Variants in TTC7A observed in about 807,000 individuals in gnomAD.
TTC7A encodes tetratricopeptide repeat domain 7A.
Under a neutral mutation model 103.7 loss-of-function variants are expected in TTC7A, and 110 were observed. The observed-to-expected ratio is 1.06, with a 90% CI of 0.91 to 1.24. The LOEUF (loss-of-function observed/expected upper bound fraction) is 1.24, where lower values mean the gene tolerates loss of function less well. TTC7A is among the 50% of genes most tolerant of loss of function. The pLI, the probability that TTC7A is intolerant of heterozygous loss-of-function variation, is 0.00. For missense variants in TTC7A, 1,340 were observed against 1,116.3 expected, an observed-to-expected ratio of 1.20 and a Z score of -2.86; for synonymous variants, 521 against 467.9, an observed-to-expected ratio of 1.11 and a Z score of -1.47.
At chr2:47,028,279 T>C (rs756317170) in intron 14 of TTC7A, among the ~76,000 whole-genome samples, 9 of 152,216 alleles carry the variant, frequency 5.9e-5, no homozygotes, top group Admixed American at 3.9e-4. Context: ...CCATAGGATG[T>C]GCTGGGGCAC....
intron 2 of TTC7A, among the ~76,000 whole-genome samples, chr2:46,925,982 C>T (rs767907342): frequency 2.0e-5 from 3 of 152,188 alleles, no homozygotes; most frequent in Non-Finnish European, 4.4e-5. Context: ...TGGGATCAGA[C>T]TTAACCTGGA....
intron 18 of TTC7A, among the ~76,000 whole-genome samples, chr2:47,060,379 AAATT>A (rs1372830989): frequency 6.6e-6 from 1 of 152,098 alleles, no homozygotes; most frequent in African/African-American, 2.4e-5. Context: ...CTAAATAAAT[AAATT>A]AATTTTTTTT....
intron 5 of TTC7A, among the ~76,000 whole-genome samples, chr2:46,988,203 C>T (rs1017523742): frequency 2.6e-5 from 4 of 152,160 alleles, no homozygotes; most frequent in African/African-American, 7.2e-5. Context: ...CCCCCATCCC[C>T]GGCCTCACTA....
intron 15 of TTC7A, among the ~76,000 whole-genome samples, chr2:47,030,716 C>T (rs1466443549): frequency 6.6e-6 from 1 of 152,172 alleles, no homozygotes; most frequent in African/African-American, 2.4e-5. Context: ...CCCGCCTGTT[C>T]CCCCTCCATC....
Position 47,073,908 on chromosome 2 carries a change from C to G in TTC7A, c.2562C>G (p.Ile854Met), listed in dbSNP as rs1201272520. 6.2e-7 allele frequency: 1 copy of G among 1,612,120 alleles called. No individual in the cohort carries two copies. Among genetic ancestry groups the G allele is most frequent in the Non-Finnish European group, 8.5e-7 (1 of 1,179,506 alleles). The change falls in exon 20 of 20, where the codon ATC becomes ATG. Residue 854 changes from isoleucine (I) to methionine (M), a missense_variant. By Grantham distance (10) the Ile-to-Met change is conservative (BLOSUM62 1). Coordinates refer to ENST00000319190, the MANE Select transcript of TTC7A (RefSeq NM_020458.4). The stretch of plus-strand genomic sequence containing the variant: ...GCCCTGTACTGCCCTTCTCCATCAT[C>G]CCCAGAGAGCTCTGACGACGCTGCA... The part of the protein sequence containing the change: ...ASSPVLPFSI[I>M]PREL
chr2:47,023,930 G>A (rs1040225109), intron 13 of TTC7A, among the ~76,000 whole-genome samples: 1 of 151,282 alleles, frequency 6.6e-6, no homozygotes, highest in Non-Finnish European at 1.5e-5. Flanking sequence ...GAGCAGTGAG[G>A]CTAGCTTCTC....
intron 3 of TTC7A, among the ~76,000 whole-genome samples, chr2:46,970,813 C>G (rs1467534532): frequency 3.3e-5 from 5 of 152,234 alleles, no homozygotes; most frequent in African/African-American, 9.6e-5. Flanking sequence ...GATCCTCCCC[C>G]TCCTGGTTGT....
chr2:46,985,949 G>A (rs1438319084), intron 5 of TTC7A, among the ~76,000 whole-genome samples: 2 of 152,192 alleles, frequency 1.3e-5, no homozygotes, highest in Admixed American at 1.3e-4. Flanking sequence ...TACATTGTAG[G>A]TTTTAGCAAC....
At chr2:46,964,517 C>T (rs1265277401) in intron 3 of TTC7A, among the ~76,000 whole-genome samples, 1 of 152,148 alleles carries the variant, frequency 6.6e-6, no homozygotes, top group Non-Finnish European at 1.5e-5. Context: ...GCCTGTTCCC[C>T]CTCAAATCAG....
intron 3 of TTC7A, among the ~76,000 whole-genome samples, chr2:46,972,761 A>G (rs1673485125): frequency 6.6e-6 from 1 of 152,242 alleles, no homozygotes; most frequent in African/African-American, 2.4e-5. Flanking sequence ...GGAAGTGTGC[A>G]TGTAAAATGC....
At chr2:46,985,738 A>T (rs535269800) in intron 5 of TTC7A, among the ~76,000 whole-genome samples, 3 of 152,372 alleles carry the variant, frequency 2.0e-5, no homozygotes, top group Non-Finnish European at 2.9e-5. Flanking sequence ...GCATGTCTAC[A>T]TCAGTGAGCC....
intron 19 of TTC7A, among the ~76,000 whole-genome samples, chr2:47,063,358 C>T (rs1324066300): frequency 6.6e-6 from 1 of 152,198 alleles, no homozygotes; most frequent in Non-Finnish European, 1.5e-5. Flanking sequence ...AGTATCTCAC[C>T]CCCCTTCAGT....
At position 46,941,842 on chromosome 2, in the gene TTC7A, C is replaced by T. The variant is rs543332567; in HGVS notation, c.184+117C>T. 3 of 1,359,422 alleles carry T rather than the reference C, an allele frequency of 2.2e-6. No homozygotes were observed. The highest frequency in any genetic ancestry group is 3.0e-6 in the Non-Finnish European group (3 of 989,936). 84.2% of individuals were successfully genotyped at this position (1,359,422 alleles called of 1,614,324 possible). A position where few individuals can be genotyped will look rare whatever the true frequency, so the allele number is the denominator to read the frequency against. Reference sequence around the variant, plus strand: ...AGCGGGCGCCTGCCAGCCCACCGTGCTAGTCTTAAGAGCAGCCAGGGCAGT... The same window carrying T: ...AGCGGGCGCCTGCCAGCCCACCGTGTTAGTCTTAAGAGCAGCCAGGGCAGT... On this transcript the variant is annotated intron_variant, in intron 1 of 19. Transcript: ENST00000319190. This position sits in a 1 kb window ranked among gnomAD's most constrained non-coding sequence, Gnocchi z 4.2.
intron 15 of TTC7A, among the ~76,000 whole-genome samples, chr2:47,039,779 C>T (rs1681537456): frequency 1.3e-5 from 2 of 152,360 alleles, no homozygotes; most frequent in South Asian, 2.1e-4. Context: ...TGCCAACATT[C>T]TCCTGGGAGC....
intron 15 of TTC7A, among the ~76,000 whole-genome samples, chr2:47,030,406 G>A: frequency 6.6e-6 from 1 of 152,206 alleles, no homozygotes. Context: ...GACCACAGGG[G>A]TGGGTTCAGG....
In TTC7A at chr2:47,074,212, G is replaced by A. The variant is rs2103680677; in HGVS notation, c.*289G>A. The A allele has an allele frequency of 2.1e-6, 1 of 470,626 alleles. No homozygotes were observed. Among genetic ancestry groups the A allele is most frequent in the Non-Finnish European group, 3.9e-6 (1 of 258,312 alleles). The allele number at this position is 470,626 out of a possible 1,614,324, so 29.2% of individuals were successfully genotyped here. A position where few individuals can be genotyped will look rare whatever the true frequency, so the allele number is the denominator to read the frequency against. On this transcript the variant is annotated 3_prime_UTR_variant, in exon 20 of 20. Transcript: ENST00000319190. Reference sequence around the variant, plus strand: ...GAGCTGGGCAGCGGGGAGCCTCACAGCTGTCCTTCACCCTCACCCATGCCT... The same window carrying A: ...GAGCTGGGCAGCGGGGAGCCTCACAACTGTCCTTCACCCTCACCCATGCCT...
At chr2:46,943,391 G>A (rs1245085615) in intron 1 of TTC7A, among the ~76,000 whole-genome samples, 1 of 152,142 alleles carries the variant, frequency 6.6e-6, no homozygotes, top group Admixed American at 6.6e-5. Flanking sequence ...ACGGAGCCTG[G>A]GCTGGCTTCA....
Position 46,934,787 on chromosome 2 carries a change from C to CTTTTTTTTTTTT in TTC7A, c.83-15555_83-15544dup, listed in dbSNP as rs1161003607. On this transcript the variant is annotated intron_variant, in intron 2 of 20. Coordinates refer to the TTC7A transcript ENST00000409245. ...GGAATAAGGTATGAAGACTACTGCTCTTTTTTTTTTTTTTTTTTTTTTTTT... is the reference window on the plus strand; with the variant it reads ...GGAATAAGGTATGAAGACTACTGCTCTTTTTTTTTTTTTTTTTTTTTTTTTTTTTTTTTTTTT... Among the ~76,000 whole-genome samples the CTTTTTTTTTTTT allele has an allele frequency of 1.1e-3, 71 of 66,914 alleles. 4 individuals carry two copies. The highest frequency in any genetic ancestry group is 1.6e-3 in the Non-Finnish European group (60 of 37,308). 43.9% of individuals were successfully genotyped at this position (66,914 alleles called of 152,430 possible).
chr2:47,015,014 G>A (rs1012396181), intron 11 of TTC7A, among the ~76,000 whole-genome samples: 1 of 152,246 alleles, frequency 6.6e-6, no homozygotes, highest in South Asian at 2.1e-4. Flanking sequence ...GGCTGATTCG[G>A]GGGTTTGCAC....
Sources: gnomAD v4.1 joint callset for allele counts (sites outside exome capture counted in the v4.1 genomes callset) on GRCh38, gnomAD v4.1.1 for gene constraint, Gnocchi (gnomAD v3.1) non-coding constraint, MANE v1.5 for transcripts, NCBI Gene and HGNC (gene_info 2026-07-23, HGNC 2026-07-21) for gene names.